The following APC variants were observed in gnomAD, a reference collection of about 807,000 sequenced individuals.
APC encodes the protein APC regulator of Wnt signaling pathway, also known as adenomatous polyposis coli protein.
A neutral mutation model predicts 247.0 loss-of-function variants in APC; 72 were observed. The ratio of observed to expected loss-of-function variants is 0.29; its 90% CI spans 0.24 to 0.35. The LOEUF is 0.35. Ranked by LOEUF, APC falls within the 10% of genes least tolerant of loss-of-function variation. The probability of loss-of-function intolerance (pLI) is 1.00; values close to 1 mark genes in which losing one functional copy is unlikely to be tolerated. For missense variants in APC, 3,400 were observed against 3,360.7 expected, an observed-to-expected ratio of 1.01 and a Z score of -0.29; for synonymous variants, 1,254 against 1,162.5, an observed-to-expected ratio of 1.08 and a Z score of -1.60.
chr5:112,819,123 A>G lies in APC; in HGVS notation c.1091A>G (p.Asp364Gly), dbSNP rs1762830966. The change falls in exon 10 of 16, where the codon GAC becomes GGC. Residue 364 changes from aspartate (D) to glycine (G), a missense_variant. Around this residue, in one of 9 missense-constraint regions of APC, gnomAD observed 199 missense variants for 212.5 expected, o/e 0.94. Transcript: ENST00000257430. Reference sequence around the variant, plus strand: ...CTCATCCAGCTTTTACATGGCAATGACAAAGACTCTGTATTGTTGGGAAAT... The same window carrying G: ...CTCATCCAGCTTTTACATGGCAATGGCAAAGACTCTGTATTGTTGGGAAAT... ...PLLIQLLHGN[D>G]KDSVLLGNSR... The G allele has an allele frequency of 1.2e-6, 2 of 1,614,122 alleles. No individual in the cohort carries two copies. Among genetic ancestry groups the G allele is most frequent in the Non-Finnish European group, 8.5e-7 (1 of 1,180,000 alleles).
At chr5:112,731,902 C>T (rs572371753) in intron 1 of APC, among the ~76,000 whole-genome samples, 15 of 152,294 alleles carry the variant, frequency 9.8e-5, no homozygotes, top group African/African-American at 3.6e-4. Flanking sequence ...TCTGGGACTA[C>T]AGGCATGTGC....
At chr5:112,713,079 G>A (rs553554740) in intron 1 of APC, among the ~76,000 whole-genome samples, 1 of 150,842 alleles carries the variant, frequency 6.6e-6, no homozygotes, top group East Asian at 2.0e-4. Context: ...GCTGAGGCAG[G>A]AGAATCACTT....
intron 9 of APC, among the ~76,000 whole-genome samples, chr5:112,817,271 A>T (rs1489059149): frequency 1.3e-5 from 2 of 152,056 alleles, no homozygotes; most frequent in African/African-American, 4.8e-5. Context: ...TTCACAGCAT[A>T]CTCTGTATAC....
intron 5 of APC, among the ~76,000 whole-genome samples, chr5:112,779,781 A>T (rs1332569793): frequency 6.6e-6 from 1 of 152,198 alleles, no homozygotes; most frequent in Non-Finnish European, 1.5e-5. Flanking sequence ...ATTGCAACCC[A>T]TAATTTGGGT....
chr5:112,784,482 C>T (rs1758723036), intron 6 of APC, among the ~76,000 whole-genome samples: 1 of 152,160 alleles, frequency 6.6e-6, no homozygotes, highest in Non-Finnish European at 1.5e-5. Flanking sequence ...TTCTATAGGA[C>T]TTCTAGGAAT....
intron 14 of APC, among the ~76,000 whole-genome samples, chr5:112,833,679 A>C: frequency 6.6e-6 from 1 of 152,144 alleles, no homozygotes; most frequent in African/African-American, 2.4e-5. Flanking sequence ...TTCTGTGGCC[A>C]TTACAATTTG....
At chr5:112,763,966 G>C (rs770386928) in intron 2 of APC, among the ~76,000 whole-genome samples, 5 of 152,004 alleles carry the variant, frequency 3.3e-5, no homozygotes, top group Non-Finnish European at 7.4e-5. Context: ...GGCCGGGCGC[G>C]GTGGCTCACG....
At chr5:112,776,652 A>G (rs1757681520) in intron 5 of APC, among the ~76,000 whole-genome samples, 1 of 152,170 alleles carries the variant, frequency 6.6e-6, no homozygotes, top group South Asian at 2.1e-4. Context: ...AGCCTGGTCA[A>G]CATGGTGAAA....
chr5:112,795,429 A>G (rs1760112641), intron 7 of APC, among the ~76,000 whole-genome samples: 1 of 152,202 alleles, frequency 6.6e-6, no homozygotes, highest in Non-Finnish European at 1.5e-5. Context: ...TAATTAAATA[A>G]TTGGCCACAT....
rs1766852391 is a variant in APC at position 112,844,794 on chromosome 5, AT to A, written c.*670del. The stretch of plus-strand genomic sequence containing the variant: ...ACAAAAATCTGTGTAACTGTAAAAC[AT>A]TGAATGAAACTATTTTACCTGAACT... On this transcript the variant is annotated 3_prime_UTR_variant, in exon 16 of 16. Coordinates refer to ENST00000257430, the MANE Select transcript of APC (RefSeq NM_000038.6). The A allele has an allele frequency of 4.3e-6, 1 of 232,056 alleles. No homozygotes were observed. Among genetic ancestry groups the A allele is most frequent in the Admixed American group, 5.6e-5 (1 of 17,766 alleles). The allele number at this position is 232,056 out of a possible 1,614,324, so 14.4% of individuals were successfully genotyped here. A position where few individuals can be genotyped will look rare whatever the true frequency, so the allele number is the denominator to read the frequency against.
intron 1 of APC, among the ~76,000 whole-genome samples, chr5:112,725,021 C>T (rs187174949): frequency 3.1e-4 from 47 of 152,030 alleles, no homozygotes; most frequent in African/African-American, 9.6e-4. Context: ...CTTGCTCTGT[C>T]ACCCCAGGCT....
chr5:112,836,168 C>CCCCCCCCCCGCCG, intron 15 of APC, among the ~76,000 whole-genome samples: 1 of 60,534 alleles, frequency 1.7e-5, no homozygotes. Context: ...TTACAGGTCC[C>CCCCCCCCCCGCCG]CCCCCCCCCC....
chr5:112,783,833 G>A (rs1758649269), intron 6 of APC: 3 of 338,576 alleles, frequency 8.9e-6, no homozygotes, highest in Non-Finnish European at 1.1e-5. Flanking sequence ...TAACCAAATA[G>A]CAAAATAGTC....
At chr5:112,747,733 A>G (rs145233216) in intron 1 of APC, among the ~76,000 whole-genome samples, 28 of 152,330 alleles carry the variant, frequency 1.8e-4, no homozygotes, top group African/African-American at 6.3e-4. Context: ...AATCGTGGGA[A>G]TTAAAATGGA....
chr5:112,835,357 G>A (rs1236142772), intron 15 of APC, among the ~76,000 whole-genome samples, 192 bp downstream of exon 15: 1 of 152,108 alleles, frequency 6.6e-6, no homozygotes, highest in Non-Finnish European at 1.5e-5. Context: ...TAGTATTATA[G>A]AGGAGACTAA....
At chr5:112,833,326 G>A (rs1225219680) in intron 14 of APC, among the ~76,000 whole-genome samples, 10 of 151,976 alleles carry the variant, frequency 6.6e-5, no homozygotes, top group African/African-American at 1.9e-4. Context: ...AGGATTACAG[G>A]TGCCCACCAC....
chr5:112,741,149 C>T (rs1581073239), intron 1 of APC, among the ~76,000 whole-genome samples: 1 of 152,158 alleles, frequency 6.6e-6, no homozygotes, highest in East Asian at 1.9e-4. Flanking sequence ...ATGCTGGAGT[C>T]AAATAAGACA....
chr5:112,770,798 C>T (rs1316268725), intron 4 of APC, among the ~76,000 whole-genome samples: 1 of 152,048 alleles, frequency 6.6e-6, no homozygotes, highest in Non-Finnish European at 1.5e-5. Context: ...ACTCAATTAT[C>T]CATCCAGTTT....
At position 112,839,937 on chromosome 5, in the gene APC, C is replaced by T. The variant is rs907886109; in HGVS notation, c.4343C>T (p.Thr1448Ile). 5.6e-6 allele frequency: 9 copies of T among 1,614,036 alleles called. No individual in the cohort carries two copies. Among genetic ancestry groups the T allele is most frequent in the Non-Finnish European group, 7.6e-6 (9 of 1,180,008 alleles). Residue 1448 changes from threonine (T) to isoleucine (I), a missense_variant, in exon 16 of 16, where the codon ACC (threonine) becomes ATC (isoleucine). By Grantham distance (89) the Thr-to-Ile change is moderately conservative. This residue lies in a region of APC where 1,788 missense variants were observed against 1,649.5 expected (regional missense o/e 1.08). Coordinates refer to ENST00000257430, the MANE Select transcript of APC (RefSeq NM_000038.6). The surrounding 1 kb of genome is among the most constrained non-coding windows in gnomAD (Gnocchi z 5.0). ...CCACCACCTCCTCAAACAGCTCAAA[C>T]CAAGCGAGAAGTACCTAAAAATAAA... Reference protein sequence around the residue: ...TPPPPPQTAQTKREVPKNKAP... With the variant: ...TPPPPPQTAQIKREVPKNKAP...
Sources: gnomAD v4.1 joint callset for allele counts (sites outside exome capture counted in the v4.1 genomes callset) on GRCh38, gnomAD v4.1.1 for gene constraint, gnomAD v4.1.1 regional missense constraint, Gnocchi (gnomAD v3.1) non-coding constraint, MANE v1.5 for transcripts, NCBI Gene and HGNC (gene_info 2026-07-23, HGNC 2026-07-21) for gene names.